STRA8: variants seen among roughly 807,000 people sequenced by gnomAD.
STRA8 encodes the protein stimulated by retinoic acid gene 8 protein homolog.
A neutral mutation model predicts 37.1 loss-of-function variants in STRA8; 18 were observed. The observed-to-expected ratio is 0.48, with a 90% CI of 0.34 to 0.72. The LOEUF (loss-of-function observed/expected upper bound fraction) is 0.72, where lower values mean the gene tolerates loss of function less well. Among genes scored for constraint, STRA8 ranks in the 30% least tolerant of loss-of-function variants. The pLI, the probability that STRA8 is intolerant of heterozygous loss-of-function variation, is 0.01. For missense variants in STRA8, 357 were observed against 410.4 expected (o/e 0.87, Z 1.13); for synonymous variants, 168 against 162.9 (o/e 1.03, Z -0.24).
At chr7:135,251,966 AT>A in intron 7 of STRA8, 97 bp downstream of exon 7, 1 of 1,060,496 alleles carries the variant, frequency 9.4e-7, no homozygotes, top group African/African-American at 2.0e-5. Flanking sequence ...ATGTGCATGA[AT>A]GTGGTAAGTC....
chr7:135,251,590 T>TGGCA (rs1832634571), intron 6 of STRA8, among the ~76,000 whole-genome samples: 2 of 152,154 alleles, frequency 1.3e-5, no homozygotes, highest in African/African-American at 4.8e-5. Flanking sequence ...GTTGGCAGTT[T>TGGCA]GTCCTGGGCA....
intron 1 of STRA8, among the ~76,000 whole-genome samples, chr7:135,239,212 C>A (rs1330447184): frequency 1.3e-5 from 2 of 152,162 alleles, no homozygotes; most frequent in Admixed American, 1.3e-4. Context: ...AAGATTGTTT[C>A]CAGCTGCTGC....
chr7:135,247,867 A>T (rs1266331075), intron 6 of STRA8, among the ~76,000 whole-genome samples: 1 of 152,230 alleles, frequency 6.6e-6, no homozygotes, highest in Non-Finnish European at 1.5e-5. Context: ...TTCCAGTATG[A>T]GGACGGCCTC....
chr7:135,231,950 T>C, upstream of STRA8: 1 of 1,612,224 alleles, frequency 6.2e-7, no homozygotes, highest in Non-Finnish European at 8.5e-7. Flanking sequence ...GCCCCCAGTG[T>C]TCATGGCAGA....
intron 4 of STRA8, 33 bp downstream of exon 4, chr7:135,243,443 C>T (rs1335891791): frequency 6.3e-7 from 1 of 1,594,516 alleles, no homozygotes; most frequent in South Asian, 1.1e-5. Flanking sequence ...AAGCTGGGGA[C>T]CTGCTGTGTC....
Position 135,240,728 on chromosome 7 carries a change from T to C in STRA8, c.192+12T>C. The C allele has an allele frequency of 1.9e-6, 3 of 1,613,162 alleles. No homozygotes were observed. Among genetic ancestry groups the C allele is most frequent in the Non-Finnish European group, 8.5e-7 (1 of 1,179,458 alleles). On this transcript the variant is annotated intron_variant, in intron 2 of 8. Coordinates refer to ENST00000662584, the MANE Select transcript of STRA8 (RefSeq NM_001394401.1). ...TCATAGCCTCAAAGGTATGGGGACC[T>C]GGAGGAGGAGAGGGGACATCTCCAC...
chr7:135,232,226 G>A (rs901015345), upstream of STRA8, among the ~76,000 whole-genome samples: 3 of 151,892 alleles, frequency 2.0e-5, no homozygotes, highest in Admixed American at 6.6e-5. Context: ...CCAAGACAGA[G>A]CTTCACAAAC....
chr7:135,248,580 G>C (rs923689852), intron 6 of STRA8, among the ~76,000 whole-genome samples: 5 of 152,130 alleles, frequency 3.3e-5, no homozygotes, highest in African/African-American at 9.7e-5. Flanking sequence ...TGTGGTGGTG[G>C]TACACCTGTA....
At chr7:135,232,047 G>A (rs201518207), upstream of STRA8, 1 of 1,613,622 alleles carries the variant, frequency 6.2e-7, no homozygotes, top group Non-Finnish European at 8.5e-7. Flanking sequence ...AGGTAAATAA[G>A]CTTCTTAGTA....
upstream of STRA8, among the ~76,000 whole-genome samples, chr7:135,232,423 G>A (rs148248610): frequency 1.8e-3 from 271 of 151,996 alleles, no homozygotes; most frequent in African/African-American, 6.2e-3. Context: ...AGCGACCCAA[G>A]CAGAATTTTG....
chr7:135,240,740 G>A (rs1436174727), intron 2 of STRA8, 24 bp downstream of exon 2: 1 of 1,610,510 alleles, frequency 6.2e-7, no homozygotes, highest in South Asian at 1.1e-5. Context: ...GAGGAGGAGA[G>A]GGGACATCTC....
intron 1 of STRA8, among the ~76,000 whole-genome samples, chr7:135,237,329 C>G (rs1832391872): frequency 6.6e-6 from 1 of 152,256 alleles, no homozygotes; most frequent in Non-Finnish European, 1.5e-5. Context: ...ACATACTTTG[C>G]AACTGCAGAG....
At chr7:135,258,363 T>C in intron 8 of STRA8, 55 bp from the exon 9 acceptor site, 2 of 1,475,244 alleles carry the variant, frequency 1.4e-6, no homozygotes, top group Non-Finnish European at 1.9e-6. Context: ...CCTATCTGCC[T>C]CGGGCCCAAG....
chr7:135,258,506 C>G lies in STRA8; in HGVS notation c.*14C>G. 3.2e-6 allele frequency: 5 copies of G among 1,579,506 alleles called. No homozygotes were observed. The highest frequency in any genetic ancestry group is 4.3e-6 in the Non-Finnish European group (5 of 1,160,768). ...GAAGATTTGTAATGCAGAAGAGGAG[C>G]TGCGAGGGGAGGGACTGAATGAGGT... On this transcript the variant is annotated 3_prime_UTR_variant, in exon 9 of 9. Coordinates refer to ENST00000662584, the MANE Select transcript of STRA8 (RefSeq NM_001394401.1).
intron 6 of STRA8, among the ~76,000 whole-genome samples, chr7:135,251,134 T>TG (rs1562972902): frequency 8.5e-5 from 13 of 152,250 alleles, no homozygotes; most frequent in African/African-American, 3.1e-4. Context: ...GCAGATAATG[T>TG]TCAATTATGT....
At position 135,255,164 on chromosome 7, in the gene STRA8, T is replaced by C. The variant is rs1832687262; in HGVS notation, c.1004T>C (p.Leu335Pro). Residue 335 changes from leucine to proline, a missense_variant, in exon 8 of 9, where the codon CTC becomes CCC. Leu to Pro is a moderately conservative substitution (Grantham distance 98). Coordinates refer to ENST00000662584, the MANE Select transcript of STRA8 (RefSeq NM_001394401.1). ...NPENPEEKFQ[L>P]YMQIINFFKG... The stretch of plus-strand genomic sequence containing the variant: ...GAAAACCCAGAGGAGAAGTTTCAGC[T>C]CTATATGCAGATCATCAACTTTTTT... The C allele has an allele frequency of 6.2e-7, 1 of 1,614,064 alleles. No homozygotes were observed.
intron 6 of STRA8, 68 bp from the exon 7 acceptor site, chr7:135,251,728 A>G: frequency 1.3e-6 from 2 of 1,520,088 alleles, no homozygotes; most frequent in South Asian, 2.2e-5. Flanking sequence ...ATCTCTCCCC[A>G]GCAGCCCAGG....
intron 1 of STRA8, among the ~76,000 whole-genome samples, chr7:135,234,106 T>TGATGATG (rs563221133): frequency 9.7e-4 from 147 of 150,784 alleles, no homozygotes; most frequent in African/African-American, 3.4e-3. Context: ...TGATGATGAT[T>TGATGATG]ATTATTATTA....
intron 7 of STRA8, among the ~76,000 whole-genome samples, chr7:135,252,362 TC>T (rs1376892640): frequency 2.0e-5 from 3 of 152,066 alleles, no homozygotes; most frequent in Admixed American, 6.5e-5. Flanking sequence ...AAGGGGGACA[TC>T]CACTTCCATG....
Sources: gnomAD v4.1 joint callset for allele counts (sites outside exome capture counted in the v4.1 genomes callset) on GRCh38, gnomAD v4.1.1 for gene constraint, MANE v1.5 for transcripts, NCBI Gene and HGNC (gene_info 2026-07-23, HGNC 2026-07-21) for gene names.